ZNF614: variants seen among roughly 807,000 people sequenced by gnomAD.
ZNF614 encodes zinc finger protein 614.
Under a neutral mutation model 12.8 loss-of-function variants are expected in ZNF614, and 11 were observed. That is an observed-to-expected ratio of 0.86 (90% CI 0.54 to 1.43). The LOEUF (loss-of-function observed/expected upper bound fraction) is 1.43. ZNF614 is among the 40% of genes most tolerant of loss of function. The probability of loss-of-function intolerance (pLI) is 0.00; values close to 1 mark genes in which losing one functional copy is unlikely to be tolerated. For missense variants in ZNF614, 664 were observed against 708.8 expected (o/e 0.94, Z 0.72); for synonymous variants, 237 against 237.5 (o/e 1.00, Z 0.02).
chr19:52,019,175 A>G (rs923614489), intron 2 of ZNF614, among the ~76,000 whole-genome samples: 4 of 152,188 alleles, frequency 2.6e-5, no homozygotes, highest in Non-Finnish European at 5.9e-5. Flanking sequence ...TAACAGAAAA[A>G]CATATATACA....
rs199692629 is a variant in ZNF614 at position 52,017,342 on chromosome 19, T to G, written c.256A>C (p.Ser86Arg). ...KNCPGIGKVDSHLQEHSPNQR... is the reference protein window; with the variant it reads ...KNCPGIGKVDRHLQEHSPNQR... ...TTTGGAGAGTGCTCTTGCAGATGAC[T>G]GTCAACTTTCCCGATTCCTAAGAAA... The change falls in exon 5 of 5, where the codon AGT (serine) becomes CGT (arginine). Residue 86 changes from serine to arginine, a missense_variant. Coordinates refer to ENST00000270649, the MANE Select transcript of ZNF614 (RefSeq NM_025040.4). 2 of 1,597,080 alleles carry G rather than the reference T, an allele frequency of 1.3e-6. No homozygotes were observed. Among genetic ancestry groups the G allele is most frequent in the Admixed American group, 3.5e-5 (2 of 57,526 alleles).
Position 52,015,647 on chromosome 19 carries a change from T to C in ZNF614, c.*193A>G, listed in dbSNP as rs553830283. The C allele has an allele frequency of 4.0e-5, 22 of 556,822 alleles. No individual in the cohort carries two copies. The African/African-American group carries it at 4.1e-4, about 10-fold the overall frequency. The allele number at this position is 556,822 out of a possible 1,614,324, so 34.5% of individuals were successfully genotyped here. A position where few individuals can be genotyped will look rare whatever the true frequency, so the allele number is the denominator to read the frequency against. On this transcript the variant is annotated 3_prime_UTR_variant, in exon 5 of 5. Coordinates refer to ENST00000270649, the MANE Select transcript of ZNF614 (RefSeq NM_025040.4). ...AAAGACCACTAAAGGCACTACCTTA[T>C]TTACTGTATTCATCAAATTGATCTC...
In ZNF614 at chr19:52,018,069, C is replaced by T. The variant is rs1454704312; in HGVS notation, c.177G>A (p.Lys59=). 3.7e-6 allele frequency: 6 copies of T among 1,614,104 alleles called. No homozygotes were observed. Among genetic ancestry groups the T allele is most frequent in the South Asian group, 2.2e-5 (2 of 91,078 alleles). The part of the protein sequence containing the change: ...YQTSKPDVLS[K]LAHGQEPWTT... ...TCCATGGTTCTTGTCCATGTGCCAA[C>T]TTGGAGAGTACATCTGGTTTGCTAG... The change falls in exon 4 of 5, where the codon AAG becomes AAA. Residue 59 remains lysine, a synonymous_variant. Coordinates refer to ENST00000270649, the MANE Select transcript of ZNF614 (RefSeq NM_025040.4).
At chr19:52,018,653 C>T (rs561272189) in intron 2 of ZNF614, among the ~76,000 whole-genome samples, 159 bp from the exon 3 acceptor site, 56 of 152,262 alleles carry the variant, frequency 3.7e-4, no homozygotes, top group South Asian at 1.2e-3. Flanking sequence ...TACATTTTAG[C>T]GCCTATTTCT....
chr19:52,017,064 T>C lies in ZNF614; in HGVS notation c.534A>G (p.Arg178=), dbSNP rs749944024. Residue 178 remains arginine (R), a synonymous_variant, in exon 5 of 5, where the codon AGA becomes AGG. Coordinates refer to ENST00000270649, the MANE Select transcript of ZNF614 (RefSeq NM_025040.4). The part of the protein sequence containing the change: ...GKHERTHTKT[R]FSENAKCIHT... Reference sequence around the variant, plus strand: ...GGATACATTTTGCATTTTCAGAAAATCTAGTTTTAGTATGCGTACGTTCAT... The same window carrying C: ...GGATACATTTTGCATTTTCAGAAAACCTAGTTTTAGTATGCGTACGTTCAT... The C allele has an allele frequency of 1.9e-5, 30 of 1,614,140 alleles. No individual in the cohort carries two copies. Among genetic ancestry groups the C allele is most frequent in the Non-Finnish European group, 2.3e-5 (27 of 1,180,018 alleles).
At chr19:52,027,975 C>T (rs1032088853) in intron 1 of ZNF614, among the ~76,000 whole-genome samples, 1 of 152,194 alleles carries the variant, frequency 6.6e-6, no homozygotes, top group Non-Finnish European at 1.5e-5. Context: ...ATGTGATAGC[C>T]TGAGATAGGG....
chr19:52,026,698 T>A (rs1393695448), intron 1 of ZNF614, among the ~76,000 whole-genome samples: 1 of 152,218 alleles, frequency 6.6e-6, no homozygotes, highest in African/African-American at 2.4e-5. Context: ...GAGAAAGGCA[T>A]CTGTCTCCTC....
At chr19:52,024,342 T>C (rs1039224407) in intron 2 of ZNF614, among the ~76,000 whole-genome samples, 1 of 152,166 alleles carries the variant, frequency 6.6e-6, no homozygotes, top group Non-Finnish European at 1.5e-5. Flanking sequence ...GGGGCAGTAT[T>C]GTGGGACTGA....
At chr19:52,018,576 C>A (rs2086915560) in intron 2 of ZNF614, 82 bp from the exon 3 acceptor site, 2 of 1,375,810 alleles carry the variant, frequency 1.5e-6, no homozygotes, top group Admixed American at 2.3e-5. Context: ...TAAAAATTTT[C>A]ACAATACAGC....
chr19:52,025,112 A>G (rs1172285735), intron 2 of ZNF614, among the ~76,000 whole-genome samples: 1 of 152,134 alleles, frequency 6.6e-6, no homozygotes, highest in Non-Finnish European at 1.5e-5. Flanking sequence ...CTGTCTCAAA[A>G]TAAATAAATA....
At chr19:52,027,792 C>T (rs949116846) in intron 1 of ZNF614, among the ~76,000 whole-genome samples, 2 of 152,172 alleles carry the variant, frequency 1.3e-5, no homozygotes, top group African/African-American at 2.4e-5. Flanking sequence ...GACTACATTA[C>T]CCTACTTGCA....
intron 2 of ZNF614, among the ~76,000 whole-genome samples, chr19:52,023,588 T>C (rs1183100175): frequency 6.6e-6 from 1 of 152,040 alleles, no homozygotes; most frequent in Non-Finnish European, 1.5e-5. Context: ...TGAGCAGAAA[T>C]TCAGGTGTAT....
At chr19:52,019,151 CA>C (rs1311013000) in intron 2 of ZNF614, among the ~76,000 whole-genome samples, 1 of 149,084 alleles carries the variant, frequency 6.7e-6, no homozygotes, top group Non-Finnish European at 1.5e-5. Context: ...CTGCGCCCAG[CA>C]AAAAAAAACT....
rs928935757 is a variant in ZNF614 at position 52,028,360 on chromosome 19, C to G, written c.-335G>C. 6.6e-6 allele frequency: 1 copy of G among 152,322 alleles called. No individual in the cohort carries two copies. The highest frequency in any genetic ancestry group is 1.5e-5 in the Non-Finnish European group (1 of 68,088). The allele number at this position is 152,322 out of a possible 1,614,324, so 9.4% of individuals were successfully genotyped here. A position where few individuals can be genotyped will look rare whatever the true frequency, so the allele number is the denominator to read the frequency against. On this transcript the variant is annotated 5_prime_UTR_variant, in exon 1 of 5. Coordinates refer to ENST00000270649, the MANE Select transcript of ZNF614 (RefSeq NM_025040.4). Reference sequence around the variant, plus strand: ...CTCCGGGAAGCTGAGCGGTAAAGACCGTGAAGCGAGGCGAGGACCACGGAG... The same window carrying G: ...CTCCGGGAAGCTGAGCGGTAAAGACGGTGAAGCGAGGCGAGGACCACGGAG...
chr19:52,014,912 A>C lies in ZNF614; in HGVS notation c.*928T>G, dbSNP rs2086887254. ...AGCAAAAACAAAACAAAACCAAAAA[A>C]CTCTTATCACTCATGAAATTCTAAG... On this transcript the variant is annotated 3_prime_UTR_variant, in exon 5 of 5. Transcript: ENST00000270649. 6.6e-6 allele frequency: 1 copy of C among 151,980 alleles called. No homozygotes were observed. The highest frequency in any genetic ancestry group is 2.4e-5 in the African/African-American group (1 of 41,366). 9.4% of individuals were successfully genotyped at this position (151,980 alleles called of 1,614,324 possible). A position where few individuals can be genotyped will look rare whatever the true frequency, so the allele number is the denominator to read the frequency against.
At position 52,016,100 on chromosome 19, in the gene ZNF614, T is replaced by C; in HGVS notation, c.1498A>G (p.Thr500Ala). ...TCTCCTGTGTGAATTCTCTGATGGG[T>C]AATGAGGCCATATTTGTGTGAATAG... ...KSYSHKYGLI[T>A]HQRIHTGEKP... The change falls in exon 5 of 5, where the codon ACC becomes GCC. Residue 500 changes from threonine to alanine, a missense_variant. Transcript: ENST00000270649. 1.2e-6 allele frequency: 2 copies of C among 1,614,116 alleles called. No homozygotes were observed. The highest frequency in any genetic ancestry group is 1.7e-6 in the Non-Finnish European group (2 of 1,180,014).
chr19:52,015,618 G>A lies in ZNF614; in HGVS notation c.*222C>T. On this transcript the variant is annotated 3_prime_UTR_variant, in exon 5 of 5. Coordinates refer to ENST00000270649, the MANE Select transcript of ZNF614 (RefSeq NM_025040.4). Reference sequence around the variant, plus strand: ...GTATTTTCATTGACAGAAAATATGAGGTAAAAGACCACTAAAGGCACTACC... The same window carrying A: ...GTATTTTCATTGACAGAAAATATGAAGTAAAAGACCACTAAAGGCACTACC... 1 of 458,564 alleles carries A rather than the reference G, an allele frequency of 2.2e-6. No individual in the cohort carries two copies. The highest frequency in any genetic ancestry group is 3.9e-6 in the Non-Finnish European group (1 of 259,270). 28.4% of individuals were successfully genotyped at this position (458,564 alleles called of 1,614,324 possible).
intron 2 of ZNF614, among the ~76,000 whole-genome samples, chr19:52,022,715 T>A (rs2086940078): frequency 6.6e-6 from 1 of 152,062 alleles, no homozygotes; most frequent in Non-Finnish European, 1.5e-5. Context: ...TCAGGTTTGA[T>A]AATTTACTAG....
At chr19:52,026,216 A>G (rs768466585) in intron 1 of ZNF614, among the ~76,000 whole-genome samples, 2 of 152,176 alleles carry the variant, frequency 1.3e-5, no homozygotes, top group African/African-American at 4.8e-5. Flanking sequence ...GTGTCTGGGG[A>G]AAAGAAAGAG....
Sources: gnomAD v4.1 joint callset for allele counts (sites outside exome capture counted in the v4.1 genomes callset) on GRCh38, gnomAD v4.1.1 for gene constraint, MANE v1.5 for transcripts, NCBI Gene and HGNC (gene_info 2026-07-23, HGNC 2026-07-21) for gene names.